PCNX2: variants seen among roughly 807,000 people sequenced by gnomAD.
PCNX2 encodes pecanex-like protein 2.
In PCNX2, 168 loss-of-function variants were observed where a neutral mutation model predicts 223.8. That is an observed-to-expected ratio of 0.75 (90% confidence interval 0.66 to 0.85). The LOEUF (loss-of-function observed/expected upper bound fraction) is 0.85, where lower values mean the gene tolerates loss of function less well. Among genes scored for constraint, PCNX2 ranks in the 40% least tolerant of loss-of-function variants. The pLI is 0.00. For synonymous variants in PCNX2, 1,006 were observed against 1,052.6 expected (o/e 0.96, Z 0.86); for missense variants, 2,507 against 2,675.5 (o/e 0.94, Z 1.39).
At chr1:233,178,613 C>A (rs1168924325) in intron 16 of PCNX2, among the ~76,000 whole-genome samples, 1 of 152,192 alleles carries the variant, frequency 6.6e-6, no homozygotes, top group African/African-American at 2.4e-5. Context: ...ACAACAACAA[C>A]AACAAAACAA....
the PCNX2 span, among the ~76,000 whole-genome samples, chr1:233,314,068 G>C: frequency 7.5e-4 from 114 of 152,308 alleles, no homozygotes; most frequent in African/African-American, 2.7e-3. Context: ...ATTTGCTGCA[G>C]GGCTGTATGT....
At chr1:233,106,972 A>G (rs577916813) in intron 21 of PCNX2, among the ~76,000 whole-genome samples, 26 of 152,266 alleles carry the variant, frequency 1.7e-4, no homozygotes, top group Middle Eastern at 6.8e-3. Context: ...TTTCTCTTGT[A>G]AACACTGAAA....
intron 21 of PCNX2, among the ~76,000 whole-genome samples, chr1:233,131,606 A>C (rs1676510900): frequency 6.6e-6 from 1 of 152,152 alleles, no homozygotes; most frequent in South Asian, 2.1e-4. Flanking sequence ...CAGAAAACTC[A>C]TTGTCATCAG....
At position 233,208,761 on chromosome 1, in the gene PCNX2, A is replaced by G. The variant is rs1037527735; in HGVS notation, c.2692-72T>C. The G allele has an allele frequency of 3.0e-6, 4 of 1,314,726 alleles. No individual in the cohort carries two copies. The African/African-American group carries it at 4.4e-5, about 15-fold the overall frequency. 81.4% of individuals were successfully genotyped at this position (1,314,726 alleles called of 1,614,324 possible). ...AATGAAAAAAGCCTCATAGTCAATA[A>G]TTTACACTATATCATATAACTTATA... On this transcript the variant is annotated intron_variant, in intron 12 of 33. Coordinates refer to ENST00000258229, the MANE Select transcript of PCNX2 (RefSeq NM_014801.4).
At chr1:233,022,565 G>C (rs531676050) in intron 26 of PCNX2, among the ~76,000 whole-genome samples, 1 of 151,518 alleles carries the variant, frequency 6.6e-6, no homozygotes, top group South Asian at 2.1e-4. Context: ...AGGGAGCACA[G>C]GTAGTGTGTG....
chr1:233,303,544 T>C, the PCNX2 span, among the ~76,000 whole-genome samples: 5 of 152,222 alleles, frequency 3.3e-5, no homozygotes, highest in Admixed American at 6.5e-5. Context: ...TATATATCTA[T>C]AAAGCCATTT....
At chr1:233,286,082 T>C (rs1390020392) in intron 1 of PCNX2, among the ~76,000 whole-genome samples, 2 of 152,246 alleles carry the variant, frequency 1.3e-5, no homozygotes, top group Non-Finnish European at 2.9e-5. Flanking sequence ...AGATAGATTA[T>C]GAGGATGAGT....
At chr1:233,055,551 G>A (rs1305869061) in intron 24 of PCNX2, among the ~76,000 whole-genome samples, 2 of 152,158 alleles carry the variant, frequency 1.3e-5, no homozygotes, top group Non-Finnish European at 2.9e-5. Context: ...TTAAAGAGAA[G>A]ATTGGATAAC....
chr1:233,149,589 G>A (rs1023729562), intron 19 of PCNX2, among the ~76,000 whole-genome samples: 1 of 152,186 alleles, frequency 6.6e-6, no homozygotes, highest in African/African-American at 2.4e-5. Context: ...GCTTTTTTCT[G>A]TAAGCTTTCT....
intron 1 of PCNX2, among the ~76,000 whole-genome samples, chr1:233,286,947 AT>A (rs1335822604): frequency 1.3e-5 from 2 of 152,316 alleles, no homozygotes; most frequent in East Asian, 3.9e-4. Context: ...GGAACTGCAC[AT>A]TCTGCGATCT....
chr1:233,139,123 A>G lies in PCNX2; in HGVS notation c.3659+591T>C, dbSNP rs1289315327. Among the ~76,000 whole-genome samples the G allele has an allele frequency of 6.6e-6, 1 of 152,234 alleles. No individual in the cohort carries two copies. Among genetic ancestry groups the G allele is most frequent in the African/African-American group, 2.4e-5 (1 of 41,462 alleles). The stretch of plus-strand genomic sequence containing the variant: ...AGAATGACAAATCTACAGATTATCA[A>G]GGAGATTTCCATGTTGTAAATTCAG... On this transcript the variant is annotated intron_variant, in intron 20 of 33. Coordinates refer to ENST00000258229, the MANE Select transcript of PCNX2 (RefSeq NM_014801.4). The surrounding 1 kb of genome is among the most constrained non-coding windows in gnomAD (Gnocchi z 4.4).
At chr1:233,254,220 C>T (rs1169197865) in intron 5 of PCNX2, among the ~76,000 whole-genome samples, 2 of 152,192 alleles carry the variant, frequency 1.3e-5, no homozygotes, top group Non-Finnish European at 1.5e-5. Flanking sequence ...ATCTGTGAAA[C>T]TACCATAAGA....
intron 21 of PCNX2, among the ~76,000 whole-genome samples, chr1:233,129,049 C>G (rs977215488): frequency 1.3e-5 from 2 of 152,232 alleles, no homozygotes; most frequent in Non-Finnish European, 2.9e-5. Context: ...CAGCCCGCCA[C>G]TGCGCTGTGG....
chr1:233,071,255 C>A (rs1672842646), intron 23 of PCNX2, among the ~76,000 whole-genome samples: 1 of 152,094 alleles, frequency 6.6e-6, no homozygotes, highest in African/African-American at 2.4e-5. Context: ...TAGATTATAT[C>A]ATCATCCAGG....
At chr1:233,061,548 C>T (rs1181418939) in intron 23 of PCNX2, among the ~76,000 whole-genome samples, 3 of 152,166 alleles carry the variant, frequency 2.0e-5, no homozygotes, top group African/African-American at 7.2e-5. Context: ...CCCTCCAAGA[C>T]CACAAACAGC....
the PCNX2 span, among the ~76,000 whole-genome samples, chr1:233,318,748 G>GT: frequency 2.0e-5 from 3 of 151,778 alleles, no homozygotes; most frequent in Non-Finnish European, 4.4e-5. Flanking sequence ...TGTATTTTTA[G>GT]TAGAGATGGG....
intron 23 of PCNX2, among the ~76,000 whole-genome samples, chr1:233,079,154 C>A (rs1424955357): frequency 6.6e-6 from 1 of 152,132 alleles, no homozygotes; most frequent in Non-Finnish European, 1.5e-5. Flanking sequence ...GATGCCAGCA[C>A]CTTCTCTGGC....
intron 12 of PCNX2, among the ~76,000 whole-genome samples, chr1:233,216,082 T>C (rs1682108114): frequency 6.6e-6 from 1 of 152,202 alleles, no homozygotes; most frequent in South Asian, 2.1e-4. Flanking sequence ...AAATCAAGCT[T>C]TCTTTCATTG....
At chr1:233,278,278 C>A (rs1419157133) in intron 1 of PCNX2, among the ~76,000 whole-genome samples, 1 of 152,196 alleles carries the variant, frequency 6.6e-6, no homozygotes. Context: ...CAAACTGTGC[C>A]TGCCTCAGGA....
Sources: gnomAD v4.1 joint callset for allele counts (sites outside exome capture counted in the v4.1 genomes callset) on GRCh38, gnomAD v4.1.1 for gene constraint, Gnocchi (gnomAD v3.1) non-coding constraint, MANE v1.5 for transcripts, NCBI Gene and HGNC (gene_info 2026-07-23, HGNC 2026-07-21) for gene names.